The following ASCC3 variants were observed in gnomAD, a reference collection of about 807,000 sequenced individuals.
The protein encoded by ASCC3 is ASC-1 complex subunit P200.
A neutral mutation model predicts 256.3 loss-of-function variants in ASCC3; 158 were observed. The ratio of observed to expected loss-of-function variants is 0.62; its 90% CI spans 0.54 to 0.70. The LOEUF (loss-of-function observed/expected upper bound fraction) is 0.70. ASCC3 is among the 30% of genes least tolerant of loss of function. ASCC3 has a pLI of 0.00. For synonymous variants in ASCC3, 948 were observed against 883.4 expected (o/e 1.07, Z -1.30); for missense variants, 2,259 against 2,626.0 (o/e 0.86, Z 3.05).
chr6:100,858,933 T>C (rs1773090332), intron 3 of ASCC3: 1 of 594,070 alleles, frequency 1.7e-6, no homozygotes, highest in East Asian at 2.8e-5. Context: ...TAACCTCTTT[T>C]AATCTACAAT....
chr6:100,577,279 A>T lies in ASCC3; in HGVS notation c.5550+12355T>A, dbSNP rs551999599. On this transcript the variant is annotated intron_variant, in intron 36 of 41. Transcript: ENST00000369162. ...TTTTTGGCCTATATTATATCTGTCAACTGAAGTAATAAATCAGATGGAACC... is the reference window on the plus strand; with the variant it reads ...TTTTTGGCCTATATTATATCTGTCATCTGAAGTAATAAATCAGATGGAACC... 2.5e-3 allele frequency among the ~76,000 whole-genome samples: 381 copies of T among 152,180 alleles called. 3 individuals carry two copies. The highest frequency in any genetic ancestry group is 3.9e-3 in the Admixed American group (59 of 15,266).
At chr6:100,754,937 C>T (rs918142883) in intron 10 of ASCC3, among the ~76,000 whole-genome samples, 2 of 152,056 alleles carry the variant, frequency 1.3e-5, no homozygotes, top group African/African-American at 4.8e-5. Context: ...TGTCTTTGCT[C>T]CTCCTTCATC....
At chr6:100,639,158 A>G (rs1241132772) in intron 24 of ASCC3, among the ~76,000 whole-genome samples, 1 of 152,230 alleles carries the variant, frequency 6.6e-6, no homozygotes, top group Non-Finnish European at 1.5e-5. Flanking sequence ...GTGGTAAAAA[A>G]ATTAAAACCA....
chr6:100,582,963 T>C (rs1771395222), intron 36 of ASCC3, among the ~76,000 whole-genome samples: 1 of 152,196 alleles, frequency 6.6e-6, no homozygotes, highest in Admixed American at 6.5e-5. Context: ...GATAAGCTTT[T>C]TGATGTGCTG....
intron 4 of ASCC3, among the ~76,000 whole-genome samples, chr6:100,825,087 C>T (rs1771232300): frequency 1.3e-5 from 2 of 152,030 alleles, no homozygotes; most frequent in South Asian, 2.1e-4. Context: ...TTTAAGAAGA[C>T]TACAATGAAA....
chr6:100,607,001 C>CATGT lies in ASCC3; in HGVS notation c.4869_4872dup (p.Glu1625ThrfsTer2), dbSNP rs1389532785. On this transcript the variant is annotated frameshift_variant, in exon 31 of 42. Transcript: ENST00000369162. ...TCCTCTACTGTTTTTCGGTCCCTCT[C>CATGT]ATGTAGTCCAGCATGATGCATTCCT... 1 of 1,613,734 alleles carries CATGT rather than the reference C, an allele frequency of 6.2e-7. No individual in the cohort carries two copies. Among genetic ancestry groups the CATGT allele is most frequent in the Admixed American group, 1.7e-5 (1 of 59,988 alleles).
intron 36 of ASCC3, among the ~76,000 whole-genome samples, chr6:100,581,424 G>A (rs1771252308): frequency 6.6e-6 from 1 of 151,858 alleles, no homozygotes; most frequent in Non-Finnish European, 1.5e-5. Flanking sequence ...ACTTTTTGAT[G>A]GGGTTGTTTG....
intron 14 of ASCC3, among the ~76,000 whole-genome samples, chr6:100,670,147 T>C (rs770830183): frequency 2.6e-5 from 4 of 152,000 alleles, no homozygotes; most frequent in Non-Finnish European, 5.9e-5. Flanking sequence ...AAATAGCCAA[T>C]GTAAAAAATG....
At chr6:100,544,579 C>T (rs1021249801) in intron 36 of ASCC3, among the ~76,000 whole-genome samples, 5 of 151,768 alleles carry the variant, frequency 3.3e-5, no homozygotes, top group African/African-American at 9.7e-5. Context: ...AATAGATAAA[C>T]TCCTTGAAAG....
intron 36 of ASCC3, among the ~76,000 whole-genome samples, chr6:100,544,603 A>T (rs1775619740): frequency 6.6e-6 from 1 of 152,126 alleles, no homozygotes; most frequent in Non-Finnish European, 1.5e-5. Context: ...AAAAAAAAGA[A>T]GAAATAGAAA....
intron 4 of ASCC3, among the ~76,000 whole-genome samples, chr6:100,816,240 C>A (rs898717537): frequency 6.6e-6 from 1 of 151,868 alleles, no homozygotes; most frequent in African/African-American, 2.4e-5. Flanking sequence ...ATGGCTATTA[C>A]TAAAAAGTCA....
At chr6:100,740,149 T>C (rs552098905) in intron 10 of ASCC3, among the ~76,000 whole-genome samples, 1 of 152,336 alleles carries the variant, frequency 6.6e-6, no homozygotes, top group East Asian at 1.9e-4. Flanking sequence ...TCTCATAATT[T>C]TGAAAGAACT....
At chr6:100,593,021 T>C (rs1772084818) in intron 34 of ASCC3, among the ~76,000 whole-genome samples, 1 of 152,126 alleles carries the variant, frequency 6.6e-6, no homozygotes, top group Admixed American at 6.6e-5. Flanking sequence ...AGTTTCACAA[T>C]AATTGACTTG....
chr6:100,758,795 T>C (rs918864416), intron 10 of ASCC3, among the ~76,000 whole-genome samples: 4 of 152,188 alleles, frequency 2.6e-5, no homozygotes, highest in African/African-American at 9.6e-5. Flanking sequence ...ATTTCTGGTT[T>C]TAGATCCTTG....
intron 8 of ASCC3, among the ~76,000 whole-genome samples, chr6:100,779,140 TA>T (rs1232419562): frequency 1.3e-5 from 2 of 152,232 alleles, no homozygotes; most frequent in East Asian, 3.9e-4. Flanking sequence ...AACAGTTAAG[TA>T]AATTATGATA....
At chr6:100,874,478 A>AC (rs1562362454) in intron 1 of ASCC3, among the ~76,000 whole-genome samples, 2 of 151,178 alleles carry the variant, frequency 1.3e-5, no homozygotes, top group East Asian at 1.9e-4. Flanking sequence ...AAAAAAAAAA[A>AC]AAAAAAAACA....
At chr6:100,650,774 T>C (rs934214333) in intron 19 of ASCC3, 60 bp from the exon 20 acceptor site, 11 of 1,284,052 alleles carry the variant, frequency 8.6e-6, no homozygotes, top group Non-Finnish European at 1.2e-5. Flanking sequence ...TTTTTCACAT[T>C]GAAATTAAAT....
At chr6:100,587,412 C>T (rs376771816) in intron 36 of ASCC3, among the ~76,000 whole-genome samples, 36 of 152,162 alleles carry the variant, frequency 2.4e-4, no homozygotes, top group Middle Eastern at 3.4e-3. Context: ...GGTAGCTACA[C>T]ATAGTGTTCA....
At chr6:100,606,103 T>A (rs1488651412) in intron 32 of ASCC3, among the ~76,000 whole-genome samples, 1 of 152,012 alleles carries the variant, frequency 6.6e-6, no homozygotes, top group Non-Finnish European at 1.5e-5. Flanking sequence ...TCCCCGTGAA[T>A]AATGAACCCA....
Sources: allele counts gnomAD v4.1 joint callset (sites outside exome capture counted in the v4.1 genomes callset), GRCh38; gene constraint gnomAD v4.1.1; transcripts MANE v1.5; gene names NCBI Gene and HGNC (gene_info 2026-07-23, HGNC 2026-07-21).